Variants in RBPMS observed in about 807,000 individuals in gnomAD.
RBPMS encodes RNA binding protein, mRNA processing factor, also known as RNA-binding protein with multiple splicing.
A neutral mutation model predicts 26.8 loss-of-function variants in RBPMS; 7 were observed. The ratio of observed to expected loss-of-function variants is 0.26; its 90% confidence interval spans 0.15 to 0.49. The LOEUF is 0.49. RBPMS is among the 20% of genes least tolerant of loss of function. The pLI, the probability that RBPMS is intolerant of heterozygous loss-of-function variation, is 0.98. For missense variants in RBPMS, 186 were observed against 250.0 expected (o/e 0.74, Z 1.73); for synonymous variants, 96 against 93.3 (o/e 1.03, Z -0.17).
intron 4 of RBPMS, among the ~76,000 whole-genome samples, chr8:30,483,266 G>A (rs1039479093): frequency 3.3e-5 from 5 of 152,146 alleles, no homozygotes; most frequent in African/African-American, 1.2e-4. Flanking sequence ...TTTAGTATAT[G>A]TGCCATTCAT....
intron 1 of RBPMS, among the ~76,000 whole-genome samples, chr8:30,440,627 G>A (rs1812963728): frequency 6.6e-6 from 1 of 152,134 alleles, no homozygotes; most frequent in Non-Finnish European, 1.5e-5. Context: ...AATGAGCACA[G>A]GTGTGCAAAC....
At chr8:30,556,480 T>C in intron 6 of RBPMS, 3 of 985,864 alleles carry the variant, frequency 3.0e-6, no homozygotes, top group Non-Finnish European at 3.6e-6. Context: ...TGCCATCCAC[T>C]GTGCAGCTCT....
chr8:30,515,153 G>A (rs1185995180), intron 5 of RBPMS, among the ~76,000 whole-genome samples: 2 of 151,996 alleles, frequency 1.3e-5, no homozygotes, highest in Non-Finnish European at 2.9e-5. Flanking sequence ...TAAACATTTT[G>A]TACAGATGGG....
At chr8:30,448,920 G>C (rs537790970) in intron 1 of RBPMS, among the ~76,000 whole-genome samples, 20 of 152,286 alleles carry the variant, frequency 1.3e-4, no homozygotes, top group South Asian at 6.2e-4. Flanking sequence ...ATACCCATGG[G>C]GGGGAACTTT....
chr8:30,504,585 T>C (rs978166721), intron 5 of RBPMS, 149 bp downstream of exon 5: 2 of 695,636 alleles, frequency 2.9e-6, no homozygotes, highest in Non-Finnish European at 4.6e-6. Context: ...GGTGTCAGAA[T>C]TCCAAATACA....
intron 4 of RBPMS, among the ~76,000 whole-genome samples, chr8:30,482,311 A>G (rs1279348050): frequency 6.6e-6 from 1 of 152,222 alleles, no homozygotes; most frequent in Non-Finnish European, 1.5e-5. Context: ...AGAGAATTCA[A>G]TATTGTAATG....
chr8:30,569,386 GA>G (rs1481207576), intron 8 of RBPMS, among the ~76,000 whole-genome samples: 1 of 152,200 alleles, frequency 6.6e-6, no homozygotes, highest in African/African-American at 2.4e-5. Context: ...TGGTCAGTGA[GA>G]ACCCCTGTGA....
At chr8:30,537,217 T>C (rs530874176) in intron 5 of RBPMS, among the ~76,000 whole-genome samples, 5 of 152,274 alleles carry the variant, frequency 3.3e-5, no homozygotes, top group Admixed American at 3.3e-4. Flanking sequence ...AAATCCTGGA[T>C]TGCATCGCAT....
intron 5 of RBPMS, among the ~76,000 whole-genome samples, chr8:30,528,476 T>TTAAGAC (rs1823847389): frequency 6.6e-6 from 1 of 152,128 alleles, no homozygotes; most frequent in Admixed American, 6.5e-5. Context: ...CCATGGTGGG[T>TTAAGAC]CATTAGGTCT....
intron 1 of RBPMS, among the ~76,000 whole-genome samples, chr8:30,423,825 T>G: frequency 4.8e-5 from 1 of 20,774 alleles, no homozygotes; most frequent in South Asian, 9.6e-4. Flanking sequence ...GGGTTTTTTG[T>G]TTTTTTTGTT....
At chr8:30,505,300 T>C (rs1820967501) in intron 5 of RBPMS, among the ~76,000 whole-genome samples, 1 of 152,224 alleles carries the variant, frequency 6.6e-6, no homozygotes, top group Admixed American at 6.5e-5. Context: ...TTGGTCTGCT[T>C]TCTAAACCAC....
At chr8:30,531,060 G>T (rs905692781) in intron 5 of RBPMS, among the ~76,000 whole-genome samples, 1 of 151,630 alleles carries the variant, frequency 6.6e-6, no homozygotes, top group Non-Finnish European at 1.5e-5. Flanking sequence ...ACTATTTTCG[G>T]TGGCTATAAT....
intron 5 of RBPMS, among the ~76,000 whole-genome samples, chr8:30,511,528 TCTGTGTG>T: frequency 9.9e-5 from 1 of 10,126 alleles, no homozygotes; most frequent in African/African-American, 1.3e-4. Flanking sequence ...TATATATATT[TCTGTGTG>T]TGTGTGTGTG....
intron 6 of RBPMS, chr8:30,558,123 C>A (rs1339418426): frequency 6.6e-6 from 1 of 152,456 alleles, no homozygotes; most frequent in South Asian, 2.1e-4. Context: ...CTTGACCTCC[C>A]AAAGTGCTAG....
intron 8 of RBPMS, among the ~76,000 whole-genome samples, chr8:30,567,480 T>C (rs1408279998): frequency 6.6e-6 from 1 of 152,236 alleles, no homozygotes; most frequent in Non-Finnish European, 1.5e-5. Context: ...CCCACGGCCT[T>C]CTAGCTTTTC....
At chr8:30,536,120 ATCTC>A (rs1423332182) in intron 5 of RBPMS, among the ~76,000 whole-genome samples, 1 of 145,548 alleles carries the variant, frequency 6.9e-6, no homozygotes, top group South Asian at 2.2e-4. Context: ...ATAAGAGATC[ATCTC>A]TCTCTTTTTT....
At chr8:30,567,859 G>T (rs1170619817) in intron 8 of RBPMS, among the ~76,000 whole-genome samples, 5 of 152,230 alleles carry the variant, frequency 3.3e-5, no homozygotes, top group Non-Finnish European at 7.3e-5. Flanking sequence ...CTCAGCACCA[G>T]TGTGTTAAGG....
intron 5 of RBPMS, among the ~76,000 whole-genome samples, chr8:30,541,191 T>C (rs766722101): frequency 1.3e-5 from 2 of 152,210 alleles, no homozygotes; most frequent in South Asian, 2.1e-4. Context: ...AATGTGACCG[T>C]AGACTGTAAG....
In RBPMS at chr8:30,499,186, A is replaced by G. The variant is rs186896686; in HGVS notation, c.247-5100A>G. Among the ~76,000 whole-genome samples, 643 of 152,156 alleles carry G rather than the reference A, an allele frequency of 4.2e-3. 4 individuals are homozygous for G. Among genetic ancestry groups the G allele is most frequent in the African/African-American group, 0.015 (610 of 41,514 alleles). On this transcript the variant is annotated intron_variant, in intron 4 of 8. Transcript: ENST00000397323. ...GGAGGCTGAGGCAGGAGAATTGCTT[A>G]AACACAGGAGGTGGAGGTTGCAGTA...
Sources: allele counts gnomAD v4.1 joint callset (sites outside exome capture counted in the v4.1 genomes callset), GRCh38; gene constraint gnomAD v4.1.1; transcripts MANE v1.5; gene names NCBI Gene and HGNC (gene_info 2026-07-23, HGNC 2026-07-21).